The following CAMKMT variants were observed in gnomAD, a reference collection of about 807,000 sequenced individuals.
CAMKMT encodes the protein calmodulin-lysine N-methyltransferase.
In CAMKMT, 53 loss-of-function variants were observed where a neutral mutation model predicts 48.0. The ratio of observed to expected loss-of-function variants is 1.10; its 90% CI spans 0.89 to 1.39. The LOEUF is 1.39. Ranked by LOEUF, CAMKMT falls within the 40% of genes most tolerant of loss-of-function variation. CAMKMT has a pLI of 0.00. For missense variants in CAMKMT, 428 were observed against 402.7 expected, an observed-to-expected ratio of 1.06 and a Z score of -0.54; for synonymous variants, 165 against 152.3, an observed-to-expected ratio of 1.08 and a Z score of -0.61.
intron 3 of CAMKMT, among the ~76,000 whole-genome samples, chr2:44,398,509 T>A (rs904946348): frequency 6.6e-6 from 1 of 151,974 alleles, no homozygotes; most frequent in African/African-American, 2.4e-5. Context: ...CTTTTAATAG[T>A]CTTAAACCAA....
chr2:44,488,506 T>TA (rs553955772), intron 3 of CAMKMT, among the ~76,000 whole-genome samples: 1 of 151,820 alleles, frequency 6.6e-6, no homozygotes, highest in African/African-American at 2.4e-5. Context: ...CTCTGTCTTT[T>TA]AAAAAAAATT....
intron 3 of CAMKMT, among the ~76,000 whole-genome samples, chr2:44,563,700 A>C (rs1668454236): frequency 6.7e-6 from 1 of 149,940 alleles, no homozygotes; most frequent in Non-Finnish European, 1.5e-5. Flanking sequence ...TTCAGTTCCC[A>C]CCTATGAGTG....
chr2:44,751,797 A>G (rs1474549509), intron 8 of CAMKMT, among the ~76,000 whole-genome samples: 1 of 152,248 alleles, frequency 6.6e-6, no homozygotes, highest in South Asian at 2.1e-4. Flanking sequence ...ATGGTTCTGC[A>G]GGCTGTGCAG....
At chr2:44,461,874 A>G (rs1277978573) in intron 3 of CAMKMT, among the ~76,000 whole-genome samples, 2 of 152,148 alleles carry the variant, frequency 1.3e-5, no homozygotes, top group African/African-American at 4.8e-5. Context: ...CATCATTTCT[A>G]TAGCCTATCT....
At position 44,588,633 on chromosome 2, in the gene CAMKMT, A is replaced by G. The variant is rs372564566; in HGVS notation, c.377-115650A>G. ...CAGCCCCCCGCCCGGCCAGCCGCCC[A>G]GTCCGGGAGGGAGGTGGGGGGTCAG... is the stretch of plus-strand genomic sequence containing the variant. On this transcript the variant is annotated intron_variant, in intron 3 of 10. Coordinates refer to ENST00000378494, the MANE Select transcript of CAMKMT (RefSeq NM_024766.5). 4.3e-4 allele frequency among the ~76,000 whole-genome samples: 7 copies of G among 16,226 alleles called. 1 individual carries two copies. The highest frequency in any genetic ancestry group is 2.2e-3 in the Admixed American group (3 of 1,336). The allele number at this position is 16,226 out of a possible 152,430, so 10.6% of individuals were successfully genotyped here. A position where few individuals can be genotyped will look rare whatever the true frequency, so the allele number is the denominator to read the frequency against.
At chr2:44,690,965 G>C (rs1050452102) in intron 3 of CAMKMT, among the ~76,000 whole-genome samples, 8 of 151,704 alleles carry the variant, frequency 5.3e-5, no homozygotes, top group African/African-American at 1.9e-4. Context: ...AACAAAGTGA[G>C]ACTCCATCTC....
intron 4 of CAMKMT, chr2:44,705,265 C>A: frequency 3.0e-6 from 2 of 676,160 alleles, no homozygotes; most frequent in Non-Finnish European, 3.7e-6. Context: ...CTCCCTTTCC[C>A]CCTCTTCCCA....
intron 3 of CAMKMT, among the ~76,000 whole-genome samples, chr2:44,575,927 C>A (rs1329181145): frequency 6.6e-6 from 1 of 151,864 alleles, no homozygotes; most frequent in Non-Finnish European, 1.5e-5. Flanking sequence ...CTAGGCAGTC[C>A]CCTTCCTAGT....
intron 3 of CAMKMT, among the ~76,000 whole-genome samples, chr2:44,547,642 T>A (rs1002787983): frequency 3.3e-5 from 5 of 152,170 alleles, no homozygotes; most frequent in African/African-American, 1.2e-4. Context: ...ATTAGTACAA[T>A]GTTTAGGTCT....
At chr2:44,544,388 C>T (rs975183493) in intron 3 of CAMKMT, among the ~76,000 whole-genome samples, 1 of 152,138 alleles carries the variant, frequency 6.6e-6, no homozygotes, top group Non-Finnish European at 1.5e-5. Context: ...AAAAATTCTA[C>T]AATTGATTGA....
intron 8 of CAMKMT, among the ~76,000 whole-genome samples, chr2:44,746,623 G>C (rs1042810936): frequency 6.6e-6 from 1 of 152,140 alleles, no homozygotes; most frequent in African/African-American, 2.4e-5. Flanking sequence ...CTTGTAAAAT[G>C]TCAACTTTGA....
At chr2:44,639,366 A>G (rs142518247) in intron 3 of CAMKMT, among the ~76,000 whole-genome samples, 2 of 152,316 alleles carry the variant, frequency 1.3e-5, no homozygotes, top group African/African-American at 4.8e-5. Flanking sequence ...TTCAGTTCTT[A>G]TGGACAGCTT....
rs146202855 is a variant in CAMKMT, at chr2:44,601,208, G to A, written c.377-103075G>A. On this transcript the variant is annotated intron_variant, in intron 3 of 10. Transcript: ENST00000378494. ...ATGGTGGCTCACGCCTGTAATCCCAGCACTTTGGGAGGCCAAGATGGGCAG... is the reference window on the plus strand; with the variant it reads ...ATGGTGGCTCACGCCTGTAATCCCAACACTTTGGGAGGCCAAGATGGGCAG... Among the ~76,000 whole-genome samples, 33 of 152,178 alleles carry A rather than the reference G, an allele frequency of 2.2e-4. 1 individual carries two copies. Among genetic ancestry groups the A allele is most frequent in the African/African-American group, 7.2e-4 (30 of 41,466 alleles).
At chr2:44,663,239 C>T (rs1558779174) in intron 3 of CAMKMT, among the ~76,000 whole-genome samples, 1 of 152,150 alleles carries the variant, frequency 6.6e-6, no homozygotes, top group Non-Finnish European at 1.5e-5. Context: ...TTTCCAGGTC[C>T]AGAATCCAAT....
chr2:44,662,498 G>T (rs1674733846), intron 3 of CAMKMT, among the ~76,000 whole-genome samples: 1 of 152,132 alleles, frequency 6.6e-6, no homozygotes, highest in African/African-American at 2.4e-5. Context: ...TCCTGCATTT[G>T]GGCAATTGTA....
chr2:44,477,420 A>C (rs1171504538), intron 3 of CAMKMT, among the ~76,000 whole-genome samples: 2 of 152,238 alleles, frequency 1.3e-5, no homozygotes, highest in Non-Finnish European at 2.9e-5. Context: ...TTATAAGTTA[A>C]AACTATTTTT....
intron 3 of CAMKMT, among the ~76,000 whole-genome samples, chr2:44,677,769 A>G (rs1298857268): frequency 6.6e-6 from 1 of 152,040 alleles, no homozygotes; most frequent in Non-Finnish European, 1.5e-5. Flanking sequence ...TTCTCTTATA[A>G]CAATGCACCT....
chr2:44,376,286 T>C (rs1481767628), intron 2 of CAMKMT, among the ~76,000 whole-genome samples: 1 of 151,984 alleles, frequency 6.6e-6, no homozygotes, highest in Non-Finnish European at 1.5e-5. Flanking sequence ...TGGTGGTTCA[T>C]GCCTGTAATC....
At chr2:44,559,815 C>T (rs920615418) in intron 3 of CAMKMT, among the ~76,000 whole-genome samples, 2 of 152,152 alleles carry the variant, frequency 1.3e-5, no homozygotes, top group Non-Finnish European at 2.9e-5. Context: ...TTTATTTGAA[C>T]TGCTAGCAAA....
Sources: gnomAD v4.1 joint callset for allele counts (sites outside exome capture counted in the v4.1 genomes callset) on GRCh38, gnomAD v4.1.1 for gene constraint, MANE v1.5 for transcripts, NCBI Gene and HGNC (gene_info 2026-07-23, HGNC 2026-07-21) for gene names.